Variants in SCHIP1 observed in about 807,000 individuals in gnomAD.
The protein encoded by SCHIP1 is schwannomin interacting protein 1, also known as schwannomin-interacting protein 1.
Under a neutral mutation model 29.7 loss-of-function variants are expected in SCHIP1, and 8 were observed. The observed-to-expected ratio is 0.27, with a 90% confidence interval of 0.16 to 0.49. The LOEUF is 0.49. SCHIP1 is among the 20% of genes least tolerant of loss of function. SCHIP1 has a pLI of 0.99. For synonymous variants in SCHIP1, 76 were observed against 94.9 expected, an observed-to-expected ratio of 0.80 and a Z score of 1.16; for missense variants, 193 against 294.6, an observed-to-expected ratio of 0.66 and a Z score of 2.52.
chr3:159,717,735 T>C, the SCHIP1 span, among the ~76,000 whole-genome samples: 4 of 152,168 alleles, frequency 2.6e-5, no homozygotes, highest in Admixed American at 6.5e-5. Flanking sequence ...GAGGCAATAA[T>C]TAAGAGCCTA....
chr3:159,331,698 C>T, the SCHIP1 span, among the ~76,000 whole-genome samples: 1 of 152,292 alleles, frequency 6.6e-6, no homozygotes, highest in South Asian at 2.1e-4. Flanking sequence ...TCTCTCACCA[C>T]ACTGGAAATC....
the SCHIP1 span, among the ~76,000 whole-genome samples, chr3:159,537,610 A>G: frequency 1.3e-5 from 2 of 151,972 alleles, no homozygotes; most frequent in Non-Finnish European, 2.9e-5. Flanking sequence ...CGGTCCTCTG[A>G]CCCTAAACTT....
chr3:159,469,747 A>G, the SCHIP1 span, among the ~76,000 whole-genome samples: 1 of 152,194 alleles, frequency 6.6e-6, no homozygotes, highest in African/African-American at 2.4e-5. Flanking sequence ...CATTTATTCA[A>G]AGAACTAGTG....
At chr3:159,297,975 T>C in the SCHIP1 span, among the ~76,000 whole-genome samples, 6 of 152,200 alleles carry the variant, frequency 3.9e-5, no homozygotes, top group Admixed American at 2.6e-4. Context: ...CACCATGAGA[T>C]ATTTGTCTAT....
chr3:159,723,826 A>G, the SCHIP1 span, among the ~76,000 whole-genome samples: 1 of 152,252 alleles, frequency 6.6e-6, no homozygotes, highest in Non-Finnish European at 1.5e-5. Flanking sequence ...ATTTCAAATG[A>G]AAGATACTTT....
At chr3:159,834,331 A>G in the SCHIP1 span, among the ~76,000 whole-genome samples, 1 of 152,246 alleles carries the variant, frequency 6.6e-6, no homozygotes, top group South Asian at 2.1e-4. Context: ...CTCCTGGTTC[A>G]CTCTAGCTGA....
chr3:159,699,691 G>T, the SCHIP1 span, among the ~76,000 whole-genome samples: 1 of 152,198 alleles, frequency 6.6e-6, no homozygotes, highest in Admixed American at 6.5e-5. Context: ...GATCTTAGCA[G>T]AATTCTCTCC....
At chr3:159,288,212 A>G in the SCHIP1 span, among the ~76,000 whole-genome samples, 3 of 152,226 alleles carry the variant, frequency 2.0e-5, no homozygotes, top group Non-Finnish European at 4.4e-5. Flanking sequence ...GAAATCAAAG[A>G]CAACCACACT....
At chr3:159,497,502 A>AG in the SCHIP1 span, among the ~76,000 whole-genome samples, 1 of 152,166 alleles carries the variant, frequency 6.6e-6, no homozygotes, top group African/African-American at 2.4e-5. Flanking sequence ...TCACATTACA[A>AG]GGGAAGAAAC....
chr3:159,614,398 T>C, the SCHIP1 span, among the ~76,000 whole-genome samples: 1 of 152,226 alleles, frequency 6.6e-6, no homozygotes. Context: ...CTTTCTTTTT[T>C]GACTACAATA....
the SCHIP1 span, among the ~76,000 whole-genome samples, chr3:159,497,146 C>T: frequency 6.6e-6 from 1 of 151,936 alleles, no homozygotes; most frequent in South Asian, 2.1e-4. Flanking sequence ...ATATCTAATG[C>T]TAAATGACGA....
chr3:159,513,879 C>G, the SCHIP1 span, among the ~76,000 whole-genome samples: 1 of 152,136 alleles, frequency 6.6e-6, no homozygotes, highest in Admixed American at 6.6e-5. Context: ...ACTGTCCTTG[C>G]CACTAGTGCA....
At chr3:159,307,462 G>C in the SCHIP1 span, among the ~76,000 whole-genome samples, 10 of 152,176 alleles carry the variant, frequency 6.6e-5, no homozygotes, top group Non-Finnish European at 1.5e-4. Context: ...AGGGCTGGTA[G>C]GGAATATGGA....
At chr3:159,519,457 C>G in the SCHIP1 span, among the ~76,000 whole-genome samples, 1 of 152,060 alleles carries the variant, frequency 6.6e-6, no homozygotes, top group African/African-American at 2.4e-5. Context: ...AAAAAGCCAG[C>G]TTACTCTAAA....
chr3:159,480,886 GAA>G, the SCHIP1 span, among the ~76,000 whole-genome samples: 1 of 152,114 alleles, frequency 6.6e-6, no homozygotes, highest in African/African-American at 2.4e-5. Context: ...GGGTGAGTCC[GAA>G]AAGAGGGTCA....
the SCHIP1 span, among the ~76,000 whole-genome samples, chr3:159,605,659 A>G: frequency 6.6e-6 from 1 of 152,228 alleles, no homozygotes; most frequent in African/African-American, 2.4e-5. Context: ...ATGGGAAGAA[A>G]AAAACAGCTA....
At chr3:159,530,361 G>A in the SCHIP1 span, among the ~76,000 whole-genome samples, 1 of 152,108 alleles carries the variant, frequency 6.6e-6, no homozygotes, top group Non-Finnish European at 1.5e-5. Context: ...TCAGTCCTGA[G>A]GAAGAGCTGC....
chr3:159,458,282 C>T, the SCHIP1 span, among the ~76,000 whole-genome samples: 2 of 152,208 alleles, frequency 1.3e-5, no homozygotes, highest in Admixed American at 1.3e-4. Context: ...TGCCTAACCA[C>T]ATACATCCCT....
the SCHIP1 span, among the ~76,000 whole-genome samples, chr3:159,466,057 C>A: frequency 1.3e-5 from 2 of 151,996 alleles, no homozygotes; most frequent in African/African-American, 2.4e-5. Flanking sequence ...AAAAAAATTT[C>A]TTTCAAAGGA....
Sources: allele counts gnomAD v4.1 joint callset (sites outside exome capture counted in the v4.1 genomes callset), GRCh38; gene constraint gnomAD v4.1.1; transcripts MANE v1.5; gene names NCBI Gene and HGNC (gene_info 2026-07-23, HGNC 2026-07-21).